CELF4: variants seen among roughly 807,000 people sequenced by gnomAD.
The protein encoded by CELF4 is CUG-BP- and ETR-3-like factor 4.
In CELF4, 18 loss-of-function variants were observed where a neutral mutation model predicts 59.9. The ratio of observed to expected loss-of-function variants is 0.30; its 90% confidence interval spans 0.21 to 0.45. The LOEUF (loss-of-function observed/expected upper bound fraction) is 0.45, where lower values mean the gene tolerates loss of function less well. CELF4 is among the 20% of genes least tolerant of loss of function. The probability of loss-of-function intolerance (pLI) is 1.00; values close to 1 mark genes in which losing one functional copy is unlikely to be tolerated. For missense variants in CELF4, 456 were observed against 689.0 expected (o/e 0.66, Z 3.79); for synonymous variants, 261 against 267.1 (o/e 0.98, Z 0.22).
At chr18:37,541,858 A>G (rs989303717) in intron 1 of CELF4, among the ~76,000 whole-genome samples, 2 of 152,142 alleles carry the variant, frequency 1.3e-5, no homozygotes, top group Non-Finnish European at 2.9e-5. Flanking sequence ...ACTGACACGT[A>G]TACAGCGGCC....
chr18:37,464,982 G>A (rs566534693), intron 2 of CELF4, among the ~76,000 whole-genome samples: 1 of 152,274 alleles, frequency 6.6e-6, no homozygotes, highest in Non-Finnish European at 1.5e-5. Flanking sequence ...ATGCTGCCAT[G>A]TGCTGGATCA....
intron 2 of CELF4, among the ~76,000 whole-genome samples, chr18:37,353,808 G>A (rs1161273607): frequency 6.8e-6 from 1 of 146,652 alleles, no homozygotes; most frequent in Admixed American, 6.9e-5. Context: ...CCAGGCTAGA[G>A]TGCAGTGGCG....
At chr18:37,493,126 C>T (rs980431289) in intron 1 of CELF4, among the ~76,000 whole-genome samples, 3 of 152,232 alleles carry the variant, frequency 2.0e-5, no homozygotes, top group Admixed American at 1.3e-4. Context: ...TCCCCACCCA[C>T]ATAATAAATT....
At chr18:37,346,702 A>G (rs1008526791) in intron 2 of CELF4, among the ~76,000 whole-genome samples, 3 of 152,060 alleles carry the variant, frequency 2.0e-5, no homozygotes, top group African/African-American at 7.2e-5. Context: ...GATTGGAGTC[A>G]GTTTGGGGAG....
chr18:37,329,658 G>A (rs903253387), intron 2 of CELF4, among the ~76,000 whole-genome samples: 4 of 152,232 alleles, frequency 2.6e-5, no homozygotes, highest in African/African-American at 9.6e-5. Context: ...GATTGCAGGT[G>A]GGACTCTGGA....
chr18:37,265,061 C>A (rs1352907933), intron 9 of CELF4, among the ~76,000 whole-genome samples: 1 of 145,436 alleles, frequency 6.9e-6, no homozygotes, highest in African/African-American at 2.5e-5. Context: ...TGTGTACATG[C>A]AAGTGTGGGT....
chr18:37,254,161 C>T lies in CELF4; in HGVS notation c.1334-223G>A, dbSNP rs1005002840. ...CGGGGACCCGGCTCGCTGACCTGCGCCTAGTCTCTGGCCGCGTCACTCGCC... is the reference window on the plus strand; with the variant it reads ...CGGGGACCCGGCTCGCTGACCTGCGTCTAGTCTCTGGCCGCGTCACTCGCC... On this transcript the variant is annotated intron_variant, in intron 11 of 12. Coordinates refer to ENST00000420428, the MANE Select transcript of CELF4 (RefSeq NM_020180.4). This position sits in a 1 kb window ranked among gnomAD's most constrained non-coding sequence, Gnocchi z 5.1. 6.6e-6 allele frequency among the ~76,000 whole-genome samples: 1 copy of T among 150,832 alleles called. No individual in the cohort carries two copies. Among genetic ancestry groups the T allele is most frequent in the Admixed American group, 6.6e-5 (1 of 15,154 alleles).
chr18:37,408,045 G>A (rs1168739228), intron 2 of CELF4, among the ~76,000 whole-genome samples: 1 of 152,180 alleles, frequency 6.6e-6, no homozygotes, highest in Non-Finnish European at 1.5e-5. Flanking sequence ...TACTAGTGAG[G>A]AGAAGCGGCT....
chr18:37,304,334 C>T (rs115284450), intron 3 of CELF4, among the ~76,000 whole-genome samples: 1,995 of 152,282 alleles, frequency 0.013, 45 homozygotes, highest in African/African-American at 0.045. Flanking sequence ...ATGGGTGAGA[C>T]ACTGACCAGG....
At chr18:37,262,650 G>C (rs1025551478) in intron 10 of CELF4, among the ~76,000 whole-genome samples, 1 of 152,160 alleles carries the variant, frequency 6.6e-6, no homozygotes, top group African/African-American at 2.4e-5. Flanking sequence ...GTGATTCAGG[G>C]AGCTGACAAT....
At chr18:37,302,905 G>C (rs960547138) in intron 3 of CELF4, among the ~76,000 whole-genome samples, 1 of 152,110 alleles carries the variant, frequency 6.6e-6, no homozygotes, top group Non-Finnish European at 1.5e-5. Flanking sequence ...AGCACAGGCT[G>C]TCTGAGGGAC....
At chr18:37,472,718 C>T (rs1268803140) in intron 2 of CELF4, among the ~76,000 whole-genome samples, 2 of 152,126 alleles carry the variant, frequency 1.3e-5, no homozygotes, top group Non-Finnish European at 2.9e-5. Flanking sequence ...AAGGCATGAG[C>T]CTGCCCAGCG....
At chr18:37,434,036 C>T (rs896510562) in intron 2 of CELF4, among the ~76,000 whole-genome samples, 4 of 152,236 alleles carry the variant, frequency 2.6e-5, no homozygotes, top group African/African-American at 9.6e-5. Context: ...TAAGGCCCTA[C>T]AGGCATCTGG....
intron 1 of CELF4, among the ~76,000 whole-genome samples, chr18:37,524,062 C>A (rs744390): frequency 6.6e-6 from 1 of 152,330 alleles, no homozygotes; most frequent in African/African-American, 2.4e-5. Flanking sequence ...ACCCATGGAG[C>A]CTCCAAGGAG....
chr18:37,328,986 AT>A (rs1379449390), intron 2 of CELF4, among the ~76,000 whole-genome samples: 1 of 152,058 alleles, frequency 6.6e-6, no homozygotes, highest in South Asian at 2.1e-4. Context: ...TTGTCGTGGT[AT>A]TTTTTTTATT....
At chr18:37,413,132 A>G (rs1178873249) in intron 2 of CELF4, among the ~76,000 whole-genome samples, 2 of 152,198 alleles carry the variant, frequency 1.3e-5, no homozygotes, top group Admixed American at 1.3e-4. Flanking sequence ...TCATGTTTAA[A>G]TTTAAAAACA....
chr18:37,391,640 G>A (rs371734022), intron 2 of CELF4, among the ~76,000 whole-genome samples: 40 of 152,294 alleles, frequency 2.6e-4, no homozygotes, highest in African/African-American at 8.4e-4. Flanking sequence ...ATGGCATGGC[G>A]ACCAGGTCAG....
At chr18:37,348,416 G>A (rs985036523) in intron 2 of CELF4, among the ~76,000 whole-genome samples, 2 of 152,122 alleles carry the variant, frequency 1.3e-5, no homozygotes, top group African/African-American at 2.4e-5. Flanking sequence ...GGATGTGAAT[G>A]CACCCCCGGT....
intron 1 of CELF4, among the ~76,000 whole-genome samples, chr18:37,517,593 C>T (rs1784786204): frequency 6.6e-6 from 1 of 152,132 alleles, no homozygotes; most frequent in East Asian, 1.9e-4. Context: ...AGTTGGTCGC[C>T]CCGTGTCTAA....
Sources: allele counts gnomAD v4.1 joint callset (sites outside exome capture counted in the v4.1 genomes callset), GRCh38; gene constraint gnomAD v4.1.1; non-coding constraint Gnocchi (gnomAD v3.1); transcripts MANE v1.5; gene names NCBI Gene and HGNC (gene_info 2026-07-23, HGNC 2026-07-21).